ABCC5: variants seen among roughly 807,000 people sequenced by gnomAD.
ABCC5 encodes ATP binding cassette subfamily C member 5, also known as ATP-binding cassette sub-family C member 5.
A neutral mutation model predicts 160.9 loss-of-function variants in ABCC5; 61 were observed. The ratio of observed to expected loss-of-function variants is 0.38; its 90% CI spans 0.31 to 0.47. The LOEUF is 0.47. Among genes scored for constraint, ABCC5 ranks in the 20% least tolerant of loss-of-function variants. The pLI, the probability that ABCC5 is intolerant of heterozygous loss-of-function variation, is 0.99. For synonymous variants in ABCC5, 666 were observed against 700.6 expected, an observed-to-expected ratio of 0.95 and a Z score of 0.78; for missense variants, 1,308 against 1,813.3, an observed-to-expected ratio of 0.72 and a Z score of 5.06.
rs758973346 is a variant in ABCC5 at position 183,928,798 on chromosome 3, G to A, written c.3882C>T (p.Tyr1294=). Residue 1294 remains tyrosine, a synonymous_variant, in exon 27 of 30, where the codon TAC becomes TAT. Coordinates refer to ENST00000334444, the MANE Select transcript of ABCC5 (RefSeq NM_005688.4). ...GGGCATCCCAAATCTGGTCTTCAGT[G>A]TACTGGTTGAAGGGGTCCAAATTTG... The part of the protein sequence containing the change: ...VRSNLDPFNQ[Y]TEDQIWDALE... The A allele has an allele frequency of 6.2e-7, 1 of 1,614,014 alleles. No individual in the cohort carries two copies. The highest frequency in any genetic ancestry group is 2.2e-5 in the East Asian group (1 of 44,896).
intron 2 of ABCC5, among the ~76,000 whole-genome samples, chr3:183,992,559 G>A (rs1038764317): frequency 1.2e-4 from 18 of 152,170 alleles, no homozygotes; most frequent in Admixed American, 1.0e-3. Context: ...GCCAAGGTGG[G>A]CGGATCACGA....
In ABCC5 at chr3:183,982,870, A is replaced by G; in HGVS notation, c.729T>C (p.Asn243=). The G allele has an allele frequency of 6.2e-7, 1 of 1,614,210 alleles. No homozygotes were observed. The highest frequency in any genetic ancestry group is 8.5e-7 in the Non-Finnish European group (1 of 1,180,038). ...CCCGCAAGCGGACACCGGTTCGGTAATTCAATGCCCAAGTCAGTGCAAGCG... is the reference window on the plus strand; with the variant it reads ...CCCGCAAGCGGACACCGGTTCGGTAGTTCAATGCCCAAGTCAGTGCAAGCG... ...SWSLALTWAL[N]YRTGVRLRGA... Residue 243 remains asparagine, a synonymous_variant, in exon 6 of 30, where the codon AAT becomes AAC. Transcript: ENST00000334444. This position sits in a 1 kb window ranked among gnomAD's most constrained non-coding sequence, Gnocchi z 5.2.
intron 29 of ABCC5, among the ~76,000 whole-genome samples, chr3:183,924,467 A>G (rs919472417): frequency 1.3e-5 from 2 of 152,216 alleles, no homozygotes; most frequent in African/African-American, 4.8e-5. Context: ...CCTGACACAC[A>G]GTAAACATTC....
intron 2 of ABCC5, among the ~76,000 whole-genome samples, chr3:184,009,507 A>G (rs1219835274): frequency 6.6e-6 from 1 of 152,224 alleles, no homozygotes; most frequent in Non-Finnish European, 1.5e-5. Flanking sequence ...TACCATTTAT[A>G]CAATTTTCTC....
Position 183,951,360 on chromosome 3 carries a change from T to C in ABCC5, c.2944+81A>G. 1 of 1,553,002 alleles carries C rather than the reference T, an allele frequency of 6.4e-7. No homozygotes were observed. The highest frequency in any genetic ancestry group is 8.7e-7 in the Non-Finnish European group (1 of 1,146,140). Reference sequence around the variant, plus strand: ...CTCTCAGGATCTACAGACAGACAGATCTGCACATTTGGAGAATCATCTAGA... The same window carrying C: ...CTCTCAGGATCTACAGACAGACAGACCTGCACATTTGGAGAATCATCTAGA... On this transcript the variant is annotated intron_variant, in intron 20 of 29. Coordinates refer to ENST00000334444, the MANE Select transcript of ABCC5 (RefSeq NM_005688.4). This position sits in a 1 kb window ranked among gnomAD's most constrained non-coding sequence, Gnocchi z 4.7.
intron 10 of ABCC5, among the ~76,000 whole-genome samples, chr3:183,973,218 C>A (rs1468155140): frequency 1.3e-5 from 2 of 151,550 alleles, no homozygotes; most frequent in Non-Finnish European, 2.9e-5. Context: ...CCACGCCTGG[C>A]TAATTTTTTG....
intron 11 of ABCC5, among the ~76,000 whole-genome samples, chr3:183,970,462 A>C: frequency 1.4e-5 from 2 of 143,498 alleles, no homozygotes; most frequent in African/African-American, 2.6e-5. Flanking sequence ...TTTGAGACTC[A>C]CTCTGAGTCT....
At chr3:183,996,543 T>TC in intron 2 of ABCC5, among the ~76,000 whole-genome samples, 1 of 152,318 alleles carries the variant, frequency 6.6e-6, no homozygotes, top group South Asian at 2.1e-4. Flanking sequence ...AATCAAAGGC[T>TC]CTTTTTAAAA....
Position 183,937,859 on chromosome 3 carries a change from C to T in ABCC5, c.3854+42G>A, listed in dbSNP as rs760871587. 1.9e-6 allele frequency: 3 copies of T among 1,606,472 alleles called. No homozygotes were observed. The Admixed American group carries it at 5.0e-5, about 27-fold the overall frequency. On this transcript the variant is annotated intron_variant, in intron 26 of 29. Transcript: ENST00000334444. Reference sequence around the variant, plus strand: ...ATGTGGTCCCACATGCTCATCTGGCCTCTAAGTGACGCACGAGACATGCAG... The same window carrying T: ...ATGTGGTCCCACATGCTCATCTGGCTTCTAAGTGACGCACGAGACATGCAG...
At position 183,963,250 on chromosome 3, in the gene ABCC5, G is replaced by C. The variant is rs943724833; in HGVS notation, c.2235+135C>G. The C allele has an allele frequency of 3.5e-6, 3 of 865,174 alleles. No individual in the cohort carries two copies. The highest frequency in any genetic ancestry group is 2.2e-5 in the Admixed American group (1 of 46,488). 53.6% of individuals were successfully genotyped at this position (865,174 alleles called of 1,614,324 possible). A position where few individuals can be genotyped will look rare whatever the true frequency, so the allele number is the denominator to read the frequency against. On this transcript the variant is annotated intron_variant, in intron 15 of 29. Transcript: ENST00000334444. The surrounding 1 kb of genome is among the most constrained non-coding windows in gnomAD (Gnocchi z 4.6). ...ACAGTGAGCTTTATTGGTACAGGGG[G>C]CTAATTTGCTAAGAAAATGAAACCT...
chr3:184,014,268 C>T lies in ABCC5; in HGVS notation c.125G>A (p.Arg42Gln), dbSNP rs139717469. The T allele has an allele frequency of 1.7e-4, 276 of 1,613,094 alleles. 1 individual carries two copies. In the Middle Eastern group the frequency reaches 5.1e-3, roughly 30 times the overall value. The change falls in exon 2 of 30, where the codon CGA (arginine) becomes CAA (glutamine). Residue 42 changes from arginine to glutamine, a missense_variant. Around this residue, in one of 3 missense-constraint regions of ABCC5, gnomAD observed 1,142 missense variants for 1,527.1 expected, o/e 0.75. Coordinates refer to ENST00000334444, the MANE Select transcript of ABCC5 (RefSeq NM_005688.4). ...CTCTTAGGAAAGGAAACTGACCGGT[C>T]GAGTTCTCCTGAACTTGGAATCTTC... ...DREDSKFRRT[R>Q]PLECQDALET...
Position 183,988,540 on chromosome 3 carries a change from G to T in ABCC5, c.443+32C>A, listed in dbSNP as rs780522033. Reference sequence around the variant, plus strand: ...AGCTCAGGCCCTGCCCACCCGGCATGGGGGAGATGAGGGTGGACCAGAGGC... The same window carrying T: ...AGCTCAGGCCCTGCCCACCCGGCATTGGGGAGATGAGGGTGGACCAGAGGC... On this transcript the variant is annotated intron_variant, in intron 4 of 29. Transcript: ENST00000334444. The surrounding 1 kb of genome is among the most constrained non-coding windows in gnomAD (Gnocchi z 4.4). 1.3e-6 allele frequency: 2 copies of T among 1,591,858 alleles called. No individual in the cohort carries two copies. Among genetic ancestry groups the T allele is most frequent in the African/African-American group, 1.4e-5 (1 of 73,912 alleles).
intron 1 of ABCC5, among the ~76,000 whole-genome samples, chr3:184,016,497 C>T (rs1290351941): frequency 6.6e-6 from 1 of 152,198 alleles, no homozygotes; most frequent in African/African-American, 2.4e-5. Flanking sequence ...TGGAAAGAAA[C>T]AAAGCCCCAG....
intron 25 of ABCC5, among the ~76,000 whole-genome samples, chr3:183,939,003 T>C (rs916026624): frequency 2.6e-5 from 4 of 152,212 alleles, no homozygotes; most frequent in African/African-American, 9.7e-5. Context: ...ATTTGAAAAG[T>C]TTACATAAGT....
Position 183,987,628 on chromosome 3 carries a change from A to G in ABCC5, c.591+142T>C. ...TTCCAGCTGTTGCCAAAATCCATCGACCCCTTTCAACAGACCTGAAGGCAT... is the reference window on the plus strand; with the variant it reads ...TTCCAGCTGTTGCCAAAATCCATCGGCCCCTTTCAACAGACCTGAAGGCAT... On this transcript the variant is annotated intron_variant, in intron 5 of 29. Transcript: ENST00000334444. The surrounding 1 kb of genome is among the most constrained non-coding windows in gnomAD (Gnocchi z 4.2). 1 of 1,128,404 alleles carries G rather than the reference A, an allele frequency of 8.9e-7. No individual in the cohort carries two copies. The highest frequency in any genetic ancestry group is 1.3e-5 in the South Asian group (1 of 75,648). 69.9% of individuals were successfully genotyped at this position (1,128,404 alleles called of 1,614,324 possible). A position where few individuals can be genotyped will look rare whatever the true frequency, so the allele number is the denominator to read the frequency against.
intron 2 of ABCC5, 25 bp downstream of exon 2, chr3:184,014,239 G>A (rs1722001885): frequency 6.2e-7 from 1 of 1,603,274 alleles, no homozygotes; most frequent in Non-Finnish European, 8.5e-7. Flanking sequence ...AAGCAGGTAA[G>A]AGACTCTTAG....
chr3:183,970,543 C>T (rs1717646107), intron 11 of ABCC5, among the ~76,000 whole-genome samples: 2 of 151,944 alleles, frequency 1.3e-5, no homozygotes, highest in Non-Finnish European at 2.9e-5. Context: ...CTCCTGGGCT[C>T]AAGCAATTCT....
At chr3:183,947,195 T>G in intron 23 of ABCC5, 129 bp downstream of exon 23, 2 of 1,016,000 alleles carry the variant, frequency 2.0e-6, no homozygotes, top group Middle Eastern at 3.4e-4. Context: ...AATCAGACCA[T>G]GAGCAATTCT....
At chr3:184,004,116 C>G (rs560486355) in intron 2 of ABCC5, among the ~76,000 whole-genome samples, 4 of 151,726 alleles carry the variant, frequency 2.6e-5, no homozygotes, top group Non-Finnish European at 5.9e-5. Flanking sequence ...GTGATTTTAA[C>G]ATTCAGCCTG....
Sources: allele counts gnomAD v4.1 joint callset (sites outside exome capture counted in the v4.1 genomes callset), GRCh38; gene constraint gnomAD v4.1.1; regional missense constraint gnomAD v4.1.1; non-coding constraint Gnocchi (gnomAD v3.1); transcripts MANE v1.5; gene names NCBI Gene and HGNC (gene_info 2026-07-23, HGNC 2026-07-21).